Variants in SYN3 observed in about 807,000 individuals in gnomAD.
SYN3 encodes the protein synapsin-3.
In SYN3, 35 loss-of-function variants were observed where a neutral mutation model predicts 65.8. That is an observed-to-expected ratio of 0.53 (90% confidence interval 0.41 to 0.70). The LOEUF is 0.70. Among genes scored for constraint, SYN3 ranks in the 30% least tolerant of loss-of-function variants. The pLI is 0.00. For synonymous variants in SYN3, 270 were observed against 292.9 expected, an observed-to-expected ratio of 0.92 and a Z score of 0.80; for missense variants, 680 against 749.0, an observed-to-expected ratio of 0.91 and a Z score of 1.08.
chr22:32,647,935 C>T (rs2060007696), intron 6 of SYN3, among the ~76,000 whole-genome samples: 1 of 151,980 alleles, frequency 6.6e-6, no homozygotes, highest in South Asian at 2.1e-4. Flanking sequence ...GATGGAGTCT[C>T]ACTATCTTGT....
At chr22:32,581,410 C>A (rs2058940182) in intron 7 of SYN3, among the ~76,000 whole-genome samples, 1 of 152,232 alleles carries the variant, frequency 6.6e-6, no homozygotes, top group Non-Finnish European at 1.5e-5. Flanking sequence ...TAGCTCCCGG[C>A]CAACTGGGGC....
intron 3 of SYN3, among the ~76,000 whole-genome samples, chr22:32,934,043 A>G (rs1294979029): frequency 1.3e-5 from 2 of 152,200 alleles, no homozygotes; most frequent in African/African-American, 4.8e-5. Context: ...ATCACTGTGA[A>G]TGAGTCCAGG....
chr22:32,602,868 A>G (rs73881757), intron 6 of SYN3, among the ~76,000 whole-genome samples: 1,560 of 152,300 alleles, frequency 0.01, 21 homozygotes, highest in African/African-American at 0.036. Context: ...ACTATAAACG[A>G]GACTTCATTA....
intron 6 of SYN3, among the ~76,000 whole-genome samples, chr22:32,791,852 A>G (rs1480317284): frequency 6.6e-6 from 1 of 152,080 alleles, no homozygotes; most frequent in Non-Finnish European, 1.5e-5. Flanking sequence ...TAGGCACTCT[A>G]TAGGAATTAG....
intron 3 of SYN3, among the ~76,000 whole-genome samples, chr22:32,962,731 C>G (rs1247711457): frequency 6.6e-6 from 1 of 152,034 alleles, no homozygotes; most frequent in East Asian, 1.9e-4. Flanking sequence ...GTAATAGTAA[C>G]AGGTAACTCA....
chr22:32,706,871 C>G (rs974760518), intron 6 of SYN3, among the ~76,000 whole-genome samples: 1 of 152,140 alleles, frequency 6.6e-6, no homozygotes, highest in Admixed American at 6.5e-5. Flanking sequence ...TCACCCCAAC[C>G]CTACTCTCTC....
At chr22:32,677,367 T>C (rs1212513700) in intron 6 of SYN3, among the ~76,000 whole-genome samples, 1 of 152,216 alleles carries the variant, frequency 6.6e-6, no homozygotes, top group Non-Finnish European at 1.5e-5. Flanking sequence ...TACTGTACCA[T>C]TGTTCATGGA....
At chr22:33,035,461 T>A (rs1179482558) in intron 1 of SYN3, among the ~76,000 whole-genome samples, 1 of 151,458 alleles carries the variant, frequency 6.6e-6, no homozygotes, top group African/African-American at 2.4e-5. Flanking sequence ...CGTGGAAAGG[T>A]GGAAGGCCTC....
intron 6 of SYN3, among the ~76,000 whole-genome samples, chr22:32,607,626 C>T (rs866661532): frequency 3.3e-5 from 5 of 152,132 alleles, no homozygotes; most frequent in Non-Finnish European, 5.9e-5. Context: ...GGGAAAATAC[C>T]GGTAGCATAT....
At chr22:32,908,111 AG>A (rs1217076346) in intron 4 of SYN3, among the ~76,000 whole-genome samples, 3 of 151,246 alleles carry the variant, frequency 2.0e-5, no homozygotes, top group African/African-American at 7.3e-5. Flanking sequence ...TTTGAGACAG[AG>A]TCGCACTCTG....
intron 4 of SYN3, among the ~76,000 whole-genome samples, chr22:32,910,416 G>A (rs951852506): frequency 1.1e-4 from 16 of 152,120 alleles, no homozygotes; most frequent in African/African-American, 3.9e-4. Context: ...AGAACCACAT[G>A]ACATGATGGA....
intron 7 of SYN3, among the ~76,000 whole-genome samples, chr22:32,553,326 G>A (rs135483): frequency 0.76 from 115,078 of 152,172 alleles, 44,033 homozygotes; most frequent in East Asian, 0.91. Flanking sequence ...ATTTTGATCC[G>A]TTTTTAAATA....
intron 2 of SYN3, among the ~76,000 whole-genome samples, chr22:32,994,241 C>T (rs765403048): frequency 3.9e-5 from 6 of 152,070 alleles, no homozygotes; most frequent in African/African-American, 7.2e-5. Context: ...CTCCAGGCGA[C>T]GGGGTAGGCT....
intron 6 of SYN3, among the ~76,000 whole-genome samples, chr22:32,855,074 AAAG>A (rs1394757434): frequency 6.6e-6 from 1 of 152,242 alleles, no homozygotes; most frequent in East Asian, 1.9e-4. Context: ...GCCAGGAAGT[AAAG>A]TAGAGGCATT....
At chr22:32,679,839 C>CTTTTTT (rs747116076) in intron 6 of SYN3, among the ~76,000 whole-genome samples, 13,385 of 38,962 alleles carry the variant, frequency 0.34, 3,220 homozygotes, top group South Asian at 0.41. Flanking sequence ...TGTTTTTTGG[C>CTTTTTT]TTTTTTTTTT....
intron 7 of SYN3, among the ~76,000 whole-genome samples, chr22:32,580,567 A>C (rs921280553): frequency 6.6e-6 from 1 of 152,190 alleles, no homozygotes; most frequent in African/African-American, 2.4e-5. Flanking sequence ...TCAGGCTTCC[A>C]CCGGGAGTCT....
intron 6 of SYN3, among the ~76,000 whole-genome samples, chr22:32,623,120 T>C (rs2059618146): frequency 1.3e-5 from 2 of 152,010 alleles, no homozygotes; most frequent in South Asian, 4.2e-4. Context: ...GAAAGTGAGA[T>C]TGTGAACCCC....
In SYN3 at chr22:32,516,317, G is replaced by A. The variant is rs115365689; in HGVS notation, c.1610+1726C>T. On this transcript the variant is annotated intron_variant, in intron 13 of 13. Transcript: ENST00000358763. ...GCAAAGCGTTGGATGAGAATGGGGCGGGAACGAGGCTTTTCAACATACATC... is the reference window on the plus strand; with the variant it reads ...GCAAAGCGTTGGATGAGAATGGGGCAGGAACGAGGCTTTTCAACATACATC... 6.0e-3 allele frequency among the ~76,000 whole-genome samples: 907 copies of A among 151,884 alleles called. 6 individuals carry two copies. Among genetic ancestry groups the A allele is most frequent in the African/African-American group, 0.019 (802 of 41,220 alleles).
chr22:32,921,896 C>G (rs926947706), intron 4 of SYN3, among the ~76,000 whole-genome samples: 1 of 152,138 alleles, frequency 6.6e-6, no homozygotes, highest in Non-Finnish European at 1.5e-5. Flanking sequence ...CTGCTGTCAC[C>G]GTGGCAAATC....
Sources: gnomAD v4.1 joint callset for allele counts (sites outside exome capture counted in the v4.1 genomes callset) on GRCh38, gnomAD v4.1.1 for gene constraint, MANE v1.5 for transcripts, NCBI Gene and HGNC (gene_info 2026-07-23, HGNC 2026-07-21) for gene names.